RYR2: variants seen among roughly 807,000 people sequenced by gnomAD.
RYR2 encodes cardiac muscle ryanodine receptor-calcium release channel.
Under a neutral mutation model 601.1 loss-of-function variants are expected in RYR2, and 227 were observed. That is an observed-to-expected ratio of 0.38 (90% CI 0.34 to 0.42). RYR2 has a LOEUF of 0.42. Ranked by LOEUF, RYR2 falls within the 10% of genes least tolerant of loss-of-function variation. RYR2 has a pLI of 1.00. For missense variants in RYR2, 4,646 were observed against 6,156.5 expected (o/e 0.75, Z 8.21); for synonymous variants, 2,223 against 2,175.1 (o/e 1.02, Z -0.61).
chr1:237,803,532 C>T (rs939077638), intron 98 of RYR2, among the ~76,000 whole-genome samples: 9 of 152,092 alleles, frequency 5.9e-5, no homozygotes, highest in East Asian at 1.9e-4. Context: ...GATCTCCTGA[C>T]CTCGTGAACC....
intron 63 of RYR2, among the ~76,000 whole-genome samples, chr1:237,693,012 C>T (rs556409015): frequency 6.6e-6 from 1 of 152,268 alleles, no homozygotes; most frequent in Non-Finnish European, 1.5e-5. Context: ...ATGAGCCACC[C>T]AGGTCCGGCC....
intron 1 of RYR2, among the ~76,000 whole-genome samples, chr1:237,157,295 CAAAAAAAAAAAAAAAAAA>C (rs33922740): frequency 7.9e-5 from 5 of 63,510 alleles, no homozygotes; most frequent in Non-Finnish European, 1.3e-4. Context: ...GACTCCATCT[CAAAAAAAAAAAAAAAAAA>C]AAAAAAAAGA....
intron 10 of RYR2, among the ~76,000 whole-genome samples, chr1:237,403,183 A>G (rs1703543419): frequency 6.6e-6 from 1 of 152,198 alleles, no homozygotes; most frequent in Non-Finnish European, 1.5e-5. Context: ...CTGATTCAAG[A>G]AAAACTATGA....
At chr1:237,809,523 T>C (rs1441663802) in intron 100 of RYR2, among the ~76,000 whole-genome samples, 1 of 152,204 alleles carries the variant, frequency 6.6e-6, no homozygotes, top group Non-Finnish European at 1.5e-5. Context: ...CTGTTAAAGC[T>C]TTCATATTGC....
chr1:237,363,281 A>G (rs1192491464), intron 4 of RYR2, among the ~76,000 whole-genome samples: 1 of 152,198 alleles, frequency 6.6e-6, no homozygotes, highest in East Asian at 1.9e-4. Context: ...ATTATGTATG[A>G]TTAATATCAG....
intron 1 of RYR2, among the ~76,000 whole-genome samples, chr1:237,055,503 G>T (rs1661880973): frequency 6.6e-6 from 1 of 152,236 alleles, no homozygotes; most frequent in Non-Finnish European, 1.5e-5. Flanking sequence ...GTAGTTGTGG[G>T]AATAGAAAGG....
intron 63 of RYR2, among the ~76,000 whole-genome samples, chr1:237,693,891 AATG>A (rs1445421768): frequency 6.6e-6 from 1 of 152,210 alleles, no homozygotes; most frequent in Non-Finnish European, 1.5e-5. Context: ...GACGTCTTTA[AATG>A]ATGATTTCTG....
chr1:237,297,678 A>G (rs1282001681), intron 2 of RYR2, among the ~76,000 whole-genome samples: 1 of 151,932 alleles, frequency 6.6e-6, no homozygotes, highest in Non-Finnish European at 1.5e-5. Flanking sequence ...GTAAAAGAGT[A>G]TTCCTAATAT....
chr1:237,497,500 T>A (rs1317960638), intron 20 of RYR2, among the ~76,000 whole-genome samples: 3 of 152,254 alleles, frequency 2.0e-5, no homozygotes, highest in Non-Finnish European at 4.4e-5. Flanking sequence ...ATCTGGATTC[T>A]GCAGACATAA....
chr1:237,599,019 T>C (rs561460636), intron 34 of RYR2, among the ~76,000 whole-genome samples: 21 of 152,162 alleles, frequency 1.4e-4, no homozygotes, highest in South Asian at 4.2e-4. Flanking sequence ...TGCCAACAAA[T>C]TGGATAACCT....
intron 2 of RYR2, among the ~76,000 whole-genome samples, chr1:237,320,867 G>A (rs927868270): frequency 2.0e-5 from 3 of 152,030 alleles, no homozygotes; most frequent in Non-Finnish European, 4.4e-5. Flanking sequence ...TTCTAAAATG[G>A]CCCTTAAGCC....
chr1:237,102,207 G>T (rs567638275), intron 1 of RYR2, among the ~76,000 whole-genome samples: 5 of 152,278 alleles, frequency 3.3e-5, no homozygotes, highest in Admixed American at 1.3e-4. Flanking sequence ...ACAGACAGGT[G>T]GGGGGAGTGC....
At chr1:237,086,562 A>G (rs1666355840) in intron 1 of RYR2, among the ~76,000 whole-genome samples, 1 of 151,850 alleles carries the variant, frequency 6.6e-6, no homozygotes. Context: ...TTATCTTACT[A>G]TGGTGTTATG....
chr1:237,337,640 A>T (rs1302805794), intron 3 of RYR2, among the ~76,000 whole-genome samples: 1 of 152,100 alleles, frequency 6.6e-6, no homozygotes, highest in South Asian at 2.1e-4. Flanking sequence ...GTGTAGAACA[A>T]TCGTGGCATG....
chr1:237,474,142 T>C (rs1661098242), intron 17 of RYR2, among the ~76,000 whole-genome samples: 2 of 151,738 alleles, frequency 1.3e-5, no homozygotes, highest in Non-Finnish European at 2.9e-5. Context: ...TGTGTAGGTG[T>C]GTGTGAGGGC....
At chr1:237,085,125 C>T (rs1666162552) in intron 1 of RYR2, among the ~76,000 whole-genome samples, 1 of 152,176 alleles carries the variant, frequency 6.6e-6, no homozygotes, top group Non-Finnish European at 1.5e-5. Context: ...TGAAGTGCAA[C>T]AGATATTTTA....
intron 10 of RYR2, among the ~76,000 whole-genome samples, chr1:237,397,762 C>T (rs1220829863): frequency 6.7e-6 from 1 of 149,682 alleles, no homozygotes; most frequent in Non-Finnish European, 1.5e-5. Context: ...TGCTCTGTCA[C>T]CCAGGCTGGA....
At position 237,584,687 on chromosome 1, in the gene RYR2, G is replaced by A. The variant is rs1040184299; in HGVS notation, c.3599-5106G>A. Among the ~76,000 whole-genome samples, 8 of 117,154 alleles carry A rather than the reference G, an allele frequency of 6.8e-5. No homozygotes were observed. In the Admixed American group the frequency reaches 8.2e-4, roughly 12 times the overall value. The allele number at this position is 117,154 out of a possible 152,430, so 76.9% of individuals were successfully genotyped here. A position where few individuals can be genotyped will look rare whatever the true frequency, so the allele number is the denominator to read the frequency against. On this transcript the variant is annotated intron_variant, in intron 29 of 104. Coordinates refer to ENST00000366574, the MANE Select transcript of RYR2 (RefSeq NM_001035.3). ...TTTTTTTTTTTTGAGACAGGGTCTC[G>A]CCTTGCTCTGTCACCTAGTCTAGAG...
chr1:237,615,361 T>C (rs1678351822), intron 37 of RYR2, among the ~76,000 whole-genome samples: 1 of 152,138 alleles, frequency 6.6e-6, no homozygotes, highest in Non-Finnish European at 1.5e-5. Context: ...AGTTAATTTT[T>C]TTTTATTTTT....
Sources: gnomAD v4.1 joint callset for allele counts (sites outside exome capture counted in the v4.1 genomes callset) on GRCh38, gnomAD v4.1.1 for gene constraint, MANE v1.5 for transcripts, NCBI Gene and HGNC (gene_info 2026-07-23, HGNC 2026-07-21) for gene names.